The following B4GALT1 variants were observed in gnomAD, a reference collection of about 807,000 sequenced individuals.
The protein encoded by B4GALT1 is beta-1,4-galactosyltransferase 1.
A neutral mutation model predicts 34.9 loss-of-function variants in B4GALT1; 16 were observed. The observed-to-expected ratio is 0.46, with a 90% CI of 0.31 to 0.70. The LOEUF (loss-of-function observed/expected upper bound fraction) is 0.70. Among genes scored for constraint, B4GALT1 ranks in the 30% least tolerant of loss-of-function variants. The probability of loss-of-function intolerance (pLI) is 0.05; values close to 1 mark genes in which losing one functional copy is unlikely to be tolerated. For missense variants in B4GALT1, 445 were observed against 530.5 expected (o/e 0.84, Z 1.58); for synonymous variants, 221 against 218.1 (o/e 1.01, Z -0.12).
Position 33,166,643 on chromosome 9 carries a change from G to A in B4GALT1, c.412+115C>T, listed in dbSNP as rs558204558. On this transcript the variant is annotated intron_variant, in intron 1 of 5. Transcript: ENST00000379731. ...GTCTGGGATTTAAAACTCTGATCCA[G>A]AAGAGGGAGGCTGGCTGTCGTAGAA... The A allele has an allele frequency of 8.3e-5, 101 of 1,220,282 alleles. No homozygotes were observed. The African/African-American group carries it at 1.4e-3, about 17-fold the overall frequency. 75.6% of individuals were successfully genotyped at this position (1,220,282 alleles called of 1,614,324 possible).
At chr9:33,109,336 G>T (rs1839828899), downstream of B4GALT1, among the ~76,000 whole-genome samples, 1 of 152,232 alleles carries the variant, frequency 6.6e-6, no homozygotes, top group South Asian at 2.1e-4. Flanking sequence ...CCTCCCCCAT[G>T]CCTTGCCCTA....
chr9:33,121,881 G>A lies in B4GALT1; in HGVS notation c.649-1275C>T, dbSNP rs1260775850. ...AGAGCCCTGTGAGGGGTCACCACAG[G>A]GATCACATTGTGGGGTAGAGTTGGG... On this transcript the variant is annotated intron_variant, in intron 2 of 5. Coordinates refer to ENST00000379731, the MANE Select transcript of B4GALT1 (RefSeq NM_001497.4). 5.3e-5 allele frequency among the ~76,000 whole-genome samples: 8 copies of A among 152,152 alleles called. No homozygotes were observed. The East Asian group carries it at 1.4e-3, about 26-fold the overall frequency.
At chr9:33,160,660 G>A (rs1459265456) in intron 1 of B4GALT1, among the ~76,000 whole-genome samples, 1 of 152,116 alleles carries the variant, frequency 6.6e-6, no homozygotes, top group South Asian at 2.1e-4. Context: ...CCAGCAACTC[G>A]GGAGACTGAA....
rs1413328933 is a variant in B4GALT1 at position 33,111,308 on chromosome 9, G to C, written c.*2146C>G. 8.1e-6 allele frequency: 1 copy of C among 123,788 alleles called. No individual in the cohort carries two copies. The highest frequency in any genetic ancestry group is 1.7e-5 in the Non-Finnish European group (1 of 58,034). The allele number at this position is 123,788 out of a possible 1,614,324, so 7.7% of individuals were successfully genotyped here. A position where few individuals can be genotyped will look rare whatever the true frequency, so the allele number is the denominator to read the frequency against. On this transcript the variant is annotated 3_prime_UTR_variant, in exon 6 of 6. Transcript: ENST00000379731. ...AAGAAAAGGTAGAGTTTGGTTTTAA[G>C]AGTAAAATAACACAGAAGTTACCAC...
intron 1 of B4GALT1, among the ~76,000 whole-genome samples, chr9:33,163,658 T>G (rs1840707168): frequency 1.3e-5 from 2 of 152,132 alleles, no homozygotes; most frequent in Non-Finnish European, 2.9e-5. Context: ...TGAGCAGAGA[T>G]AAACATGACG....
intron 2 of B4GALT1, among the ~76,000 whole-genome samples, chr9:33,126,660 G>GTTAACCATTGTTAACATTGTT: frequency 2.0e-5 from 3 of 150,328 alleles, no homozygotes; most frequent in Admixed American, 6.7e-5. Context: ...GTTAACCATA[G>GTTAACCATTGTTAACATTGTT]CAATATGGTA....
rs183497345 is a variant in B4GALT1 at position 33,126,405 on chromosome 9, A to G, written c.649-5799T>C. Among the ~76,000 whole-genome samples the G allele has an allele frequency of 3.8e-3, 573 of 152,294 alleles. 3 individuals are homozygous for G. The highest frequency in any genetic ancestry group is 5.9e-3 in the Non-Finnish European group (400 of 68,018). The stretch of plus-strand genomic sequence containing the variant: ...GAGGGCTAATAATATCTACTCAGCC[A>G]TGAGTTCACAGCAGTTGGGCTCTAG... On this transcript the variant is annotated intron_variant, in intron 2 of 5. Coordinates refer to ENST00000379731, the MANE Select transcript of B4GALT1 (RefSeq NM_001497.4).
At chr9:33,105,328 A>G (rs1332410071) in intron 2 of B4GALT1, among the ~76,000 whole-genome samples, 5 of 151,812 alleles carry the variant, frequency 3.3e-5, no homozygotes, top group African/African-American at 7.3e-5. Context: ...TAGTAGAGAC[A>G]GGGTTTCTCC....
chr9:33,134,620 G>A (rs554880313), intron 2 of B4GALT1, among the ~76,000 whole-genome samples: 5 of 152,244 alleles, frequency 3.3e-5, no homozygotes, highest in Admixed American at 1.3e-4. Context: ...TGGATCAGAC[G>A]AGCAGTGAGA....
the B4GALT1 span, among the ~76,000 whole-genome samples, chr9:33,180,238 C>T: frequency 6.6e-6 from 1 of 152,120 alleles, no homozygotes; most frequent in South Asian, 2.1e-4. Flanking sequence ...TTATTGAGTT[C>T]CTTCCCTGTC....
At chr9:33,120,716 G>C in intron 2 of B4GALT1, 110 bp from the exon 3 acceptor site, 1 of 1,136,672 alleles carries the variant, frequency 8.8e-7, no homozygotes, top group Non-Finnish European at 1.3e-6. Context: ...AAACTCTTGG[G>C]CCTCACTTTT....
intron 2 of B4GALT1, among the ~76,000 whole-genome samples, chr9:33,125,937 T>C (rs1277770962): frequency 6.6e-6 from 1 of 152,162 alleles, no homozygotes; most frequent in Non-Finnish European, 1.5e-5. Flanking sequence ...CAGCCTCTCC[T>C]GCACCAAAAG....
chr9:33,178,981 A>G, the B4GALT1 span: 2 of 152,072 alleles, frequency 1.3e-5, no homozygotes, highest in Non-Finnish European at 1.5e-5. Context: ...ATGTGTCTCT[A>G]TTTCTTCTGT....
the B4GALT1 span, chr9:33,179,188 G>C: frequency 6.6e-6 from 1 of 152,238 alleles, no homozygotes; most frequent in Non-Finnish European, 1.5e-5. Flanking sequence ...AAAGGGACTG[G>C]ATATAGGGAG....
At chr9:33,113,717 A>G in intron 5 of B4GALT1, 57 bp downstream of exon 5, 1 of 1,608,480 alleles carries the variant, frequency 6.2e-7, no homozygotes, top group Middle Eastern at 1.7e-4. Context: ...AGAGCCTCGG[A>G]CCTGCAGCCT....
chr9:33,183,545 A>G, the B4GALT1 span, among the ~76,000 whole-genome samples: 1 of 138,582 alleles, frequency 7.2e-6, no homozygotes, highest in Non-Finnish European at 1.6e-5. Flanking sequence ...CAAAAAACGA[A>G]ACACCGCATA....
chr9:33,130,855 G>C (rs886371039), intron 2 of B4GALT1, among the ~76,000 whole-genome samples: 1 of 151,890 alleles, frequency 6.6e-6, no homozygotes, highest in Non-Finnish European at 1.5e-5. Flanking sequence ...GAGGCGGTGG[G>C]AGCCATGAAG....
chr9:33,164,926 A>G (rs901188151), intron 1 of B4GALT1, among the ~76,000 whole-genome samples: 20 of 151,810 alleles, frequency 1.3e-4, no homozygotes, highest in African/African-American at 4.6e-4. Flanking sequence ...TCCTAAGCAA[A>G]TATTATTACT....
intron 1 of B4GALT1, among the ~76,000 whole-genome samples, chr9:33,141,721 T>C (rs1300006689): frequency 1.3e-5 from 2 of 152,210 alleles, no homozygotes; most frequent in Non-Finnish European, 2.9e-5. Flanking sequence ...GGAGGATTCA[T>C]CACAGAGTTG....
Sources: gnomAD v4.1 joint callset for allele counts (sites outside exome capture counted in the v4.1 genomes callset) on GRCh38, gnomAD v4.1.1 for gene constraint, MANE v1.5 for transcripts, NCBI Gene and HGNC (gene_info 2026-07-23, HGNC 2026-07-21) for gene names.